Variants in FGFR2 observed in about 807,000 individuals in gnomAD.
FGFR2 encodes BEK fibroblast growth factor receptor.
FGFR2 carries 19 observed loss-of-function variants against 95.9 expected under a neutral mutation model. The observed-to-expected ratio is 0.20, with a 90% CI of 0.14 to 0.29. FGFR2 has a LOEUF of 0.29. Among genes scored for constraint, FGFR2 ranks in the 10% least tolerant of loss-of-function variants. The pLI, the probability that FGFR2 is intolerant of heterozygous loss-of-function variation, is 1.00. For synonymous variants in FGFR2, 392 were observed against 393.3 expected (o/e 1.00, Z 0.04); for missense variants, 707 against 1,056.9 (o/e 0.67, Z 4.59).
intron 1 of FGFR2, among the ~76,000 whole-genome samples, chr10:121,595,242 C>T (rs1863247009): frequency 6.6e-6 from 1 of 152,220 alleles, no homozygotes; most frequent in Non-Finnish European, 1.5e-5. Flanking sequence ...GATTTCAACA[C>T]TGCTGGAGCC....
intron 6 of FGFR2, among the ~76,000 whole-genome samples, chr10:121,524,298 C>T (rs780428085): frequency 4.6e-5 from 7 of 152,212 alleles, no homozygotes; most frequent in Non-Finnish European, 1.0e-4. Flanking sequence ...CGCCCTTTCT[C>T]ACTTCTGGTA....
intron 17 of FGFR2, among the ~76,000 whole-genome samples, chr10:121,482,457 AT>A (rs1564848476): frequency 6.6e-6 from 1 of 152,186 alleles, no homozygotes; most frequent in Non-Finnish European, 1.5e-5. Flanking sequence ...CTCTAAAACT[AT>A]TTCCTAAATC....
chr10:121,554,310 C>T lies in FGFR2; in HGVS notation c.455-2851G>A, dbSNP rs1307154834. On this transcript the variant is annotated intron_variant, in intron 4 of 17. Coordinates refer to ENST00000358487, the MANE Select transcript of FGFR2 (RefSeq NM_000141.5). The stretch of plus-strand genomic sequence containing the variant: ...CAAGCTCACAAATATGTTTAATGAA[C>T]TTGATACGGGAGGGGAGGAAGTCTT... Among the ~76,000 whole-genome samples the T allele has an allele frequency of 2.6e-5, 4 of 151,518 alleles. No homozygotes were observed. The East Asian group carries it at 7.7e-4, about 29-fold the overall frequency.
intron 13 of FGFR2, among the ~76,000 whole-genome samples, chr10:121,491,114 T>C (rs965876688): frequency 1.3e-5 from 2 of 152,174 alleles, no homozygotes; most frequent in African/African-American, 4.8e-5. Flanking sequence ...TCCCACGCAC[T>C]GGGCTCCAAC....
At position 121,518,652 on chromosome 10, in the gene FGFR2, A is replaced by G. The variant is rs984962563; in HGVS notation, c.940-1189T>C. Reference sequence around the variant, plus strand: ...AGCTTCTATATCCAGCTTTCTTTTTAAAAAAAGACAAAAATGAAAGCATTG... The same window carrying G: ...AGCTTCTATATCCAGCTTTCTTTTTGAAAAAAGACAAAAATGAAAGCATTG... On this transcript the variant is annotated intron_variant, in intron 7 of 17. Transcript: ENST00000358487. This position sits in a 1 kb window ranked among gnomAD's most constrained non-coding sequence, Gnocchi z 4.0. The G allele has an allele frequency of 1.3e-5, 21 of 1,613,564 alleles. No homozygotes were observed. Among genetic ancestry groups the G allele is most frequent in the Non-Finnish European group, 1.7e-5 (20 of 1,179,674 alleles).
intron 5 of FGFR2, among the ~76,000 whole-genome samples, chr10:121,548,212 C>CATCCAAAT (rs2134759706): frequency 7.2e-6 from 1 of 139,340 alleles, no homozygotes; most frequent in African/African-American, 2.6e-5. Context: ...CAGCACACTG[C>CATCCAAAT]ATCCAAATGT....
At chr10:121,554,325 G>A (rs1402461757) in intron 4 of FGFR2, among the ~76,000 whole-genome samples, 1 of 150,922 alleles carries the variant, frequency 6.6e-6, no homozygotes, top group African/African-American at 2.5e-5. Context: ...TACGGGAGGG[G>A]AGGAAGTCTT....
Position 121,598,067 on chromosome 10 carries a change from A to G in FGFR2, c.-256T>C. On this transcript the variant is annotated 5_prime_UTR_variant, in exon 1 of 18. Transcript: ENST00000358487. ...GGTTGCGGGGAGCAACTCCAAACGCAGAAGAGTGGTCCTTGGGTCTTCGCC... is the reference window on the plus strand; with the variant it reads ...GGTTGCGGGGAGCAACTCCAAACGCGGAAGAGTGGTCCTTGGGTCTTCGCC... 1 of 398,206 alleles carries G rather than the reference A, an allele frequency of 2.5e-6. No individual in the cohort carries two copies. The allele number at this position is 398,206 out of a possible 1,614,324, so 24.7% of individuals were successfully genotyped here. A position where few individuals can be genotyped will look rare whatever the true frequency, so the allele number is the denominator to read the frequency against.
At chr10:121,582,211 T>C (rs1293917521) in intron 2 of FGFR2, among the ~76,000 whole-genome samples, 1 of 152,086 alleles carries the variant, frequency 6.6e-6, no homozygotes, top group African/African-American at 2.4e-5. Flanking sequence ...ATTACAGGCG[T>C]GAGCCACTGC....
At chr10:121,491,767 G>A (rs1846161305) in intron 13 of FGFR2, among the ~76,000 whole-genome samples, 1 of 152,058 alleles carries the variant, frequency 6.6e-6, no homozygotes. Flanking sequence ...CTACTTGGGA[G>A]GCTGAGGCAG....
chr10:121,538,445 GC>G (rs1197195799), intron 6 of FGFR2, 146 bp downstream of exon 6: 3 of 1,196,306 alleles, frequency 2.5e-6, no homozygotes, highest in Non-Finnish European at 3.8e-6. Context: ...GACAGAAGCA[GC>G]CTTGTAAAAT....
intron 6 of FGFR2, among the ~76,000 whole-genome samples, chr10:121,523,124 C>G (rs1437195560): frequency 2.0e-5 from 3 of 152,276 alleles, no homozygotes; most frequent in Non-Finnish European, 2.9e-5. Context: ...CATTTCATTC[C>G]AGAATCTCCC....
At chr10:121,561,222 C>T (rs1856911302) in intron 4 of FGFR2, among the ~76,000 whole-genome samples, 1 of 152,000 alleles carries the variant, frequency 6.6e-6, no homozygotes, top group Admixed American at 6.6e-5. Flanking sequence ...GTCGGGAGTT[C>T]CAGACCAGCC....
intron 5 of FGFR2, among the ~76,000 whole-genome samples, chr10:121,543,048 A>G (rs1408438569): frequency 2.0e-5 from 3 of 152,238 alleles, no homozygotes; most frequent in Non-Finnish European, 4.4e-5. Context: ...TGTGCCAGGT[A>G]GAACGCTGTG....
intron 5 of FGFR2, among the ~76,000 whole-genome samples, chr10:121,547,923 T>C (rs1854762500): frequency 6.6e-6 from 1 of 152,084 alleles, no homozygotes; most frequent in Non-Finnish European, 1.5e-5. Flanking sequence ...GCTTAACACA[T>C]CATTAGCGAA....
At chr10:121,535,230 G>C (rs1249382047) in intron 6 of FGFR2, among the ~76,000 whole-genome samples, 1 of 152,196 alleles carries the variant, frequency 6.6e-6, no homozygotes, top group East Asian at 1.9e-4. Context: ...AGAACTGTAA[G>C]AGAATAGATT....
At chr10:121,536,830 C>A (rs760538975) in intron 6 of FGFR2, among the ~76,000 whole-genome samples, 46 of 152,194 alleles carry the variant, frequency 3.0e-4, no homozygotes, top group Non-Finnish European at 6.8e-4. Flanking sequence ...AAGCTATAAT[C>A]CCAAAAGACT....
At chr10:121,519,553 C>T (rs1048179079) in intron 7 of FGFR2, among the ~76,000 whole-genome samples, 1 of 152,050 alleles carries the variant, frequency 6.6e-6, no homozygotes, top group Non-Finnish European at 1.5e-5. Context: ...TAATAGAAAA[C>T]AACATCAGAG....
chr10:121,581,763 A>T (rs1168102229), intron 2 of FGFR2, among the ~76,000 whole-genome samples: 13,370 of 41,636 alleles, frequency 0.32, 676 homozygotes, highest in Middle Eastern at 0.47. Flanking sequence ...CCTGCATTTA[A>T]AAAAAAAAAA....
Sources: gnomAD v4.1 joint callset for allele counts (sites outside exome capture counted in the v4.1 genomes callset) on GRCh38, gnomAD v4.1.1 for gene constraint, Gnocchi (gnomAD v3.1) non-coding constraint, MANE v1.5 for transcripts, NCBI Gene and HGNC (gene_info 2026-07-23, HGNC 2026-07-21) for gene names.